The following MSH3 variants were observed in gnomAD, a reference collection of about 807,000 sequenced individuals.
MSH3 encodes mutS homolog 3, also known as DNA mismatch repair protein Msh3.
In MSH3, 106 loss-of-function variants were observed where a neutral mutation model predicts 123.3. The observed-to-expected ratio is 0.86, with a 90% CI of 0.73 to 1.01. MSH3 has a LOEUF of 1.01. Ranked by LOEUF, MSH3 falls within the 50% of genes least tolerant of loss-of-function variation. The probability of loss-of-function intolerance (pLI) is 0.00; values close to 1 mark genes in which losing one functional copy is unlikely to be tolerated. For synonymous variants in MSH3, 515 were observed against 481.4 expected (o/e 1.07, Z -0.91); for missense variants, 1,459 against 1,347.6 (o/e 1.08, Z -1.29).
chr5:80,804,807 A>G (rs1365239443), intron 19 of MSH3, among the ~76,000 whole-genome samples: 2 of 152,212 alleles, frequency 1.3e-5, no homozygotes, highest in African/African-American at 4.8e-5. Flanking sequence ...TCAAGGTCCT[A>G]GGGTCTACAG....
At chr5:80,844,650 G>A (rs1745687095) in intron 20 of MSH3, among the ~76,000 whole-genome samples, 1 of 152,114 alleles carries the variant, frequency 6.6e-6, no homozygotes, top group Non-Finnish European at 1.5e-5. Context: ...TTACCACTGT[G>A]TAATGCCCTT....
Position 80,844,423 on chromosome 5 carries a change from TC to T in MSH3, c.2814-9705del, listed in dbSNP as rs367666853. ...GTAGATGTCTTTTAGGTCCGTTTGG[TC>T]CAGAGCTGAGTTCAGGTCCTGGATA... On this transcript the variant is annotated intron_variant, in intron 20 of 23. Coordinates refer to ENST00000265081, the MANE Select transcript of MSH3 (RefSeq NM_002439.5). Among the ~76,000 whole-genome samples the T allele has an allele frequency of 3.1e-3, 473 of 152,302 alleles. 1 individual carries two copies. The highest frequency in any genetic ancestry group is 0.011 in the African/African-American group (451 of 41,548).
chr5:80,782,321 G>A (rs1744424714), intron 17 of MSH3, among the ~76,000 whole-genome samples: 1 of 150,850 alleles, frequency 6.6e-6, no homozygotes, highest in Admixed American at 6.6e-5. Context: ...GGAATGAAAA[G>A]GATGGTAGCA....
At chr5:80,819,500 C>T (rs150860201) in intron 20 of MSH3, among the ~76,000 whole-genome samples, 1,412 of 138,200 alleles carry the variant, frequency 0.01, 21 homozygotes, top group African/African-American at 0.036. Flanking sequence ...TTTTTTGAGA[C>T]GGAGTTTCGC....
chr5:80,811,892 C>T (rs1745015767), intron 19 of MSH3, among the ~76,000 whole-genome samples: 1 of 151,864 alleles, frequency 6.6e-6, no homozygotes, highest in African/African-American at 2.4e-5. Context: ...CTGTAGAATT[C>T]ATTTTATTTT....
At chr5:80,835,610 T>C (rs1042687105) in intron 20 of MSH3, among the ~76,000 whole-genome samples, 1 of 152,142 alleles carries the variant, frequency 6.6e-6, no homozygotes, top group Non-Finnish European at 1.5e-5. Flanking sequence ...AATGCAGTGT[T>C]TTTAACTAAG....
At position 80,768,101 on chromosome 5, in the gene MSH3, C is replaced by T. The variant is rs747667558; in HGVS notation, c.2065C>T (p.Leu689Phe). Residue 689 changes from leucine (L) to phenylalanine (F), a missense_variant, in exon 14 of 24, where the codon CTC becomes TTC. Leu to Phe is a conservative substitution (Grantham distance 22). Coordinates refer to ENST00000265081, the MANE Select transcript of MSH3 (RefSeq NM_002439.5). ...TCCAGTGGAGCATTACTTAAAGATA[C>T]TCAATGAACAAGCTGCCAAGTAAGT... Reference protein sequence around the residue: ...LSPVEHYLKILNEQAAKVGDK... With the variant: ...LSPVEHYLKIFNEQAAKVGDK... The T allele has an allele frequency of 1.2e-6, 2 of 1,613,630 alleles. No individual in the cohort carries two copies. Among genetic ancestry groups the T allele is most frequent in the Non-Finnish European group, 1.7e-6 (2 of 1,179,664 alleles).
intron 20 of MSH3, among the ~76,000 whole-genome samples, chr5:80,844,890 G>A (rs1035173607): frequency 1.3e-5 from 2 of 152,124 alleles, no homozygotes. Flanking sequence ...GTGGCATTTA[G>A]CCCATTTACA....
At chr5:80,833,543 A>G (rs1028536550) in intron 20 of MSH3, among the ~76,000 whole-genome samples, 3 of 152,182 alleles carry the variant, frequency 2.0e-5, no homozygotes, top group African/African-American at 7.2e-5. Flanking sequence ...CCCGGGTTCA[A>G]GTGAGTCTCC....
At chr5:80,851,198 A>G (rs1161775643) in intron 20 of MSH3, among the ~76,000 whole-genome samples, 1 of 146,952 alleles carries the variant, frequency 6.8e-6, no homozygotes, top group African/African-American at 2.6e-5. Context: ...TGTATCTCTG[A>G]TGGTTTTCAT....
intron 17 of MSH3, among the ~76,000 whole-genome samples, chr5:80,784,212 C>CCAAAAAAAAAAAAAAAAAAAAAA (rs1744459387): frequency 8.3e-5 from 1 of 11,984 alleles, no homozygotes; most frequent in East Asian, 1.8e-3. Context: ...TACTACGTCG[C>CCAAAAAAAAAAAAAAAAAAAAAA]AAAAAAAAAA....
chr5:80,827,364 AGT>A (rs2112073975), intron 20 of MSH3, among the ~76,000 whole-genome samples: 1 of 152,328 alleles, frequency 6.6e-6, no homozygotes, highest in South Asian at 2.1e-4. Context: ...GAGTGGCACG[AGT>A]GTGTTTTTCT....
intron 3 of MSH3, among the ~76,000 whole-genome samples, chr5:80,666,687 A>G (rs1749581904): frequency 6.6e-6 from 1 of 152,198 alleles, no homozygotes; most frequent in Admixed American, 6.5e-5. Flanking sequence ...AATTAGAAGT[A>G]AGTAGACAGA....
intron 12 of MSH3, among the ~76,000 whole-genome samples, chr5:80,754,073 A>G (rs26784): frequency 0.34 from 51,912 of 152,012 alleles, 9,380 homozygotes; most frequent in South Asian, 0.44. Context: ...TCCATTGTAC[A>G]TTCTTCTTAG....
chr5:80,658,035 C>CCTTTTT lies in MSH3; in HGVS notation c.358+1504_358+1505insCTTTTT, dbSNP rs369384745. On this transcript the variant is annotated intron_variant, in intron 2 of 23. Coordinates refer to ENST00000265081, the MANE Select transcript of MSH3 (RefSeq NM_002439.5). ...ATTTTTCCTAAGAATGCTTTTTGCC[C>CCTTTTT]TCTTTTTTTTTTTTTGAGATAGGGT... is the stretch of plus-strand genomic sequence containing the variant. 7.2e-4 allele frequency among the ~76,000 whole-genome samples: 63 copies of CCTTTTT among 87,172 alleles called. 8 individuals carry two copies. Among genetic ancestry groups the CCTTTTT allele is most frequent in the Admixed American group, 8.3e-4 (7 of 8,416 alleles). The allele number at this position is 87,172 out of a possible 152,430, so 57.2% of individuals were successfully genotyped here.
At chr5:80,829,080 C>CAAATAAT (rs1745375475) in intron 20 of MSH3, among the ~76,000 whole-genome samples, 1 of 152,210 alleles carries the variant, frequency 6.6e-6, no homozygotes, top group African/African-American at 2.4e-5. Flanking sequence ...CATTAATCCA[C>CAAATAAT]GAATGGATTA....
In MSH3 at chr5:80,665,136, G is replaced by A. The variant is rs1382543; in HGVS notation, c.359-7G>A. ...TTGTTCTGTTTTCTTCTTATTTGCT[G>A]CCTAAGAGCCAAAGAAATGTCTGAG... On this transcript the variant is annotated splice_region_variant and splice_polypyrimidine_tract_variant and intron_variant, in intron 2 of 23. Coordinates refer to ENST00000265081, the MANE Select transcript of MSH3 (RefSeq NM_002439.5). 433,551 of 1,609,484 alleles carry A rather than the reference G, an allele frequency of 0.27. 61,256 individuals are homozygous for A. The highest frequency in any genetic ancestry group is 0.43 in the Middle Eastern group (2,583 of 6,012).
chr5:80,756,081 A>G (rs992046106), intron 12 of MSH3, among the ~76,000 whole-genome samples: 1 of 152,188 alleles, frequency 6.6e-6, no homozygotes, highest in African/African-American at 2.4e-5. Flanking sequence ...AATACTATCA[A>G]AAGGGCTCAG....
chr5:80,822,629 C>T (rs1432615889), intron 20 of MSH3, among the ~76,000 whole-genome samples: 1 of 152,174 alleles, frequency 6.6e-6, no homozygotes, highest in African/African-American at 2.4e-5. Flanking sequence ...CTATGAAGTG[C>T]TTCTCTTAGT....
Sources: gnomAD v4.1 joint callset for allele counts (sites outside exome capture counted in the v4.1 genomes callset) on GRCh38, gnomAD v4.1.1 for gene constraint, MANE v1.5 for transcripts, NCBI Gene and HGNC (gene_info 2026-07-23, HGNC 2026-07-21) for gene names.